The following LRP1B variants were observed in gnomAD, a reference collection of about 807,000 sequenced individuals.
LRP1B encodes LDL receptor related protein 1B.
LRP1B carries 217 observed loss-of-function variants against 556.6 expected under a neutral mutation model. That is an observed-to-expected ratio of 0.39 (90% CI 0.35 to 0.44). LRP1B has a LOEUF of 0.44. LRP1B is among the 20% of genes least tolerant of loss of function. The probability of loss-of-function intolerance (pLI) is 1.00; values close to 1 mark genes in which losing one functional copy is unlikely to be tolerated. For synonymous variants in LRP1B, 2,047 were observed against 1,865.8 expected (o/e 1.10, Z -2.50); for missense variants, 5,053 against 5,620.8 (o/e 0.90, Z 3.23).
intron 2 of LRP1B, among the ~76,000 whole-genome samples, chr2:141,514,798 G>C (rs1463936334): frequency 1.3e-5 from 2 of 152,030 alleles, no homozygotes; most frequent in African/African-American, 2.4e-5. Context: ...TTTATAATAA[G>C]GTGTTTCATA....
intron 87 of LRP1B, among the ~76,000 whole-genome samples, chr2:140,244,407 C>T (rs1039230718): frequency 5.3e-5 from 8 of 151,218 alleles, no homozygotes; most frequent in African/African-American, 1.9e-4. Context: ...ATATTTTTGT[C>T]TTTCATAATT....
chr2:141,610,237 C>T (rs1189524519), intron 2 of LRP1B, among the ~76,000 whole-genome samples: 3 of 139,886 alleles, frequency 2.1e-5, no homozygotes, highest in South Asian at 2.3e-4. Context: ...TTAATGGGTG[C>T]GGCACACCAG....
At chr2:140,997,653 GTCTT>G (rs1185346486) in intron 15 of LRP1B, among the ~76,000 whole-genome samples, 2 of 151,806 alleles carry the variant, frequency 1.3e-5, no homozygotes, top group Admixed American at 1.3e-4. Flanking sequence ...AAAATAAAAT[GTCTT>G]TCTATTATTT....
chr2:140,775,136 T>C (rs142612443), intron 33 of LRP1B, among the ~76,000 whole-genome samples: 1 of 152,054 alleles, frequency 6.6e-6, no homozygotes, highest in African/African-American at 2.4e-5. Flanking sequence ...CAAACCAGCG[T>C]GACCCAATCC....
Position 140,453,994 on chromosome 2 carries a change from T to C in LRP1B, c.9963+2461A>G, listed in dbSNP as rs547245465. ...TGAAAATCATGTTTCTACAAACTGA[T>C]TTTTCTCCAAGAAGTATACAAGAGA... On this transcript the variant is annotated intron_variant, in intron 62 of 90. Coordinates refer to ENST00000389484, the MANE Select transcript of LRP1B (RefSeq NM_018557.3). 5.1e-3 allele frequency among the ~76,000 whole-genome samples: 781 copies of C among 152,292 alleles called. 6 individuals are homozygous for C. The highest frequency in any genetic ancestry group is 8.4e-3 in the Non-Finnish European group (569 of 68,030).
chr2:140,448,535 A>G (rs1333705690), intron 63 of LRP1B, among the ~76,000 whole-genome samples: 1 of 152,126 alleles, frequency 6.6e-6, no homozygotes, highest in African/African-American at 2.4e-5. Context: ...GATCTCACTT[A>G]TATGTAGACT....
chr2:141,699,091 G>C (rs1016030908), intron 2 of LRP1B, among the ~76,000 whole-genome samples: 7 of 151,790 alleles, frequency 4.6e-5, no homozygotes, highest in Non-Finnish European at 2.9e-5. Flanking sequence ...TTGGGAAGAG[G>C]TTTCTCTGTA....
chr2:141,036,885 G>A (rs1450779824), intron 11 of LRP1B, among the ~76,000 whole-genome samples: 1 of 151,918 alleles, frequency 6.6e-6, no homozygotes, highest in Non-Finnish European at 1.5e-5. Context: ...GCTGCCCTGG[G>A]GATGGGGCAG....
At chr2:140,778,544 C>A (rs189950198) in intron 32 of LRP1B, among the ~76,000 whole-genome samples, 66 of 151,998 alleles carry the variant, frequency 4.3e-4, no homozygotes, top group African/African-American at 1.5e-3. Context: ...ATATACATAA[C>A]TGAAAGAAGC....
chr2:141,603,827 C>G (rs1332557413), intron 2 of LRP1B, among the ~76,000 whole-genome samples: 1 of 152,098 alleles, frequency 6.6e-6, no homozygotes, highest in East Asian at 1.9e-4. Context: ...ATAACATATT[C>G]TGAAGAAAAC....
At chr2:141,001,297 G>T (rs1008500545) in intron 15 of LRP1B, among the ~76,000 whole-genome samples, 1 of 143,336 alleles carries the variant, frequency 7.0e-6, no homozygotes, top group African/African-American at 2.6e-5. Context: ...ACTGGAAATT[G>T]AATAAGCCTG....
intron 1 of LRP1B, among the ~76,000 whole-genome samples, chr2:142,030,438 T>C (rs1442635950): frequency 6.6e-6 from 1 of 151,940 alleles, no homozygotes; most frequent in African/African-American, 2.4e-5. Flanking sequence ...GCTCATTATA[T>C]AAAACTTTAA....
At chr2:141,700,824 G>A (rs971094434) in intron 2 of LRP1B, among the ~76,000 whole-genome samples, 1 of 151,748 alleles carries the variant, frequency 6.6e-6, no homozygotes, top group Non-Finnish European at 1.5e-5. Context: ...ATCAATGTGA[G>A]CTACCACATA....
rs76909136 is a variant in LRP1B at position 140,233,348 on chromosome 2, T to C, written c.13660-22A>G. ...TTGGCTGAAGGAGAAAAAAAATAAA[T>C]ATAATTTTATTACTGGTCTTGGCCA... On this transcript the variant is annotated intron_variant, in intron 90 of 90. Transcript: ENST00000389484. 5 of 1,529,572 alleles carry C rather than the reference T, an allele frequency of 3.3e-6. No individual in the cohort carries two copies. The African/African-American group carries it at 4.2e-5, about 13-fold the overall frequency. The allele number at this position is 1,529,572 out of a possible 1,614,324, so 94.8% of individuals were successfully genotyped here.
At chr2:140,989,734 A>G (rs1697032818) in intron 16 of LRP1B, 77 bp from the exon 17 acceptor site, 1 of 1,409,350 alleles carries the variant, frequency 7.1e-7, no homozygotes, top group Non-Finnish European at 9.9e-7. Flanking sequence ...TAGTTACAGA[A>G]AAGTTACAGT....
At chr2:140,708,061 G>T (rs940878961) in intron 37 of LRP1B, among the ~76,000 whole-genome samples, 1 of 152,144 alleles carries the variant, frequency 6.6e-6, no homozygotes, top group South Asian at 2.1e-4. Flanking sequence ...AAATAAATCG[G>T]ATTTAGGTAC....
At chr2:141,916,913 C>A (rs1043535727) in intron 1 of LRP1B, among the ~76,000 whole-genome samples, 2 of 152,024 alleles carry the variant, frequency 1.3e-5, no homozygotes, top group African/African-American at 4.8e-5. Flanking sequence ...AATCCTGAAT[C>A]TTAAATAAAA....
intron 23 of LRP1B, among the ~76,000 whole-genome samples, chr2:140,901,111 G>A (rs1237627080): frequency 6.6e-6 from 1 of 152,134 alleles, no homozygotes; most frequent in Non-Finnish European, 1.5e-5. Flanking sequence ...GTGGAGGCCT[G>A]ATAGATAAGT....
At chr2:140,774,349 C>A (rs1689418742) in intron 33 of LRP1B, among the ~76,000 whole-genome samples, 1 of 152,026 alleles carries the variant, frequency 6.6e-6, no homozygotes, top group Admixed American at 6.5e-5. Flanking sequence ...CCTATAGAAT[C>A]AAATCTTTAA....
Sources: gnomAD v4.1 joint callset for allele counts (sites outside exome capture counted in the v4.1 genomes callset) on GRCh38, gnomAD v4.1.1 for gene constraint, MANE v1.5 for transcripts, NCBI Gene and HGNC (gene_info 2026-07-23, HGNC 2026-07-21) for gene names.